The following ZBTB38 variants were observed in gnomAD, a reference collection of about 807,000 sequenced individuals.
ZBTB38 encodes the protein zinc finger and BTB domain-containing protein 38.
Under a neutral mutation model 76.8 loss-of-function variants are expected in ZBTB38, and 20 were observed. The observed-to-expected ratio is 0.26, with a 90% CI of 0.18 to 0.38. The LOEUF is 0.38. Ranked by LOEUF, ZBTB38 falls within the 10% of genes least tolerant of loss-of-function variation. The pLI, the probability that ZBTB38 is intolerant of heterozygous loss-of-function variation, is 1.00. For synonymous variants in ZBTB38, 504 were observed against 544.2 expected, an observed-to-expected ratio of 0.93 and a Z score of 1.03; for missense variants, 1,082 against 1,482.3, an observed-to-expected ratio of 0.73 and a Z score of 4.43.
chr3:141,437,468 A>G (rs2079065145), intron 5 of ZBTB38, among the ~76,000 whole-genome samples: 1 of 151,900 alleles, frequency 6.6e-6, no homozygotes, highest in Non-Finnish European at 1.5e-5. Flanking sequence ...CACCCTGCAA[A>G]CCTTTGAGTG....
chr3:141,364,736 G>C (rs187769972), upstream of ZBTB38, among the ~76,000 whole-genome samples: 2 of 118,408 alleles, frequency 1.7e-5, no homozygotes, highest in Admixed American at 1.9e-4. Context: ...TAAAGGATTT[G>C]AATAGACAGT....
At chr3:141,387,448 G>A (rs529306288) in intron 4 of ZBTB38, 6 of 152,292 alleles carry the variant, frequency 3.9e-5, no homozygotes, top group African/African-American at 1.4e-4. Context: ...CAGGTAGGAG[G>A]CAAGGTGGAT....
intron 5 of ZBTB38, among the ~76,000 whole-genome samples, chr3:141,407,936 G>A (rs189438276): frequency 2.6e-5 from 4 of 152,218 alleles, no homozygotes; most frequent in Non-Finnish European, 2.9e-5. Flanking sequence ...CTCCCACCCC[G>A]CATCATCTCA....
chr3:141,389,412 T>C (rs878930981), intron 4 of ZBTB38: 9 of 151,920 alleles, frequency 5.9e-5, no homozygotes, highest in Admixed American at 5.9e-4. Context: ...CTGATTTTGT[T>C]CTCCAGGCTT....
At position 141,448,782 on chromosome 3, in the gene ZBTB38, C is replaced by T. The variant is rs956724068; in HGVS notation, c.*2806C>T. 6.6e-6 allele frequency: 1 copy of T among 152,118 alleles called. No individual in the cohort carries two copies. The highest frequency in any genetic ancestry group is 1.5e-5 in the Non-Finnish European group (1 of 68,020). 9.4% of individuals were successfully genotyped at this position (152,118 alleles called of 1,614,324 possible). On this transcript the variant is annotated 3_prime_UTR_variant, in exon 6 of 6. Transcript: ENST00000321464. ...TGTGTGAGTCACAGCTTTGTTTCCA[C>T]GTATTATTCAGTTTATTTCTGTTTC...
exon 1 of ZBTB38, chr3:141,324,369 T>A (rs540368753): frequency 1.3e-5 from 2 of 152,336 alleles, no homozygotes; most frequent in East Asian, 3.9e-4. Flanking sequence ...GGAAGAAGAA[T>A]GCCCTTTCCA....
At chr3:141,393,645 G>C (rs7625729) in intron 4 of ZBTB38, among the ~76,000 whole-genome samples, 9,507 of 152,210 alleles carry the variant, frequency 0.062, 995 homozygotes, top group African/African-American at 0.22. Flanking sequence ...TGGGGGCAGG[G>C]TGAGGATGCA....
chr3:141,399,002 CTG>C (rs1951046228), intron 4 of ZBTB38, among the ~76,000 whole-genome samples: 2 of 152,118 alleles, frequency 1.3e-5, no homozygotes, highest in Non-Finnish European at 2.9e-5. Flanking sequence ...GTTGAAGAAA[CTG>C]TAGTTTCCTC....
rs746293513 is a variant in ZBTB38, at chr3:141,444,104, A to G, written c.1716A>G (p.Lys572=). ...PYKLYRLLPM[K]CKRAPYKSYR... Reference sequence around the variant, plus strand: ...AACTTTATAGGCTACTGCCTATGAAATGCAAGAGAGCCCCTTATAAGAGCT... The same window carrying G: ...AACTTTATAGGCTACTGCCTATGAAGTGCAAGAGAGCCCCTTATAAGAGCT... Residue 572 remains lysine, a synonymous_variant, in exon 6 of 6, where the codon AAA becomes AAG. Coordinates refer to ENST00000321464, the MANE Select transcript of ZBTB38 (RefSeq NM_001376113.1). The surrounding 1 kb of genome is among the most constrained non-coding windows in gnomAD (Gnocchi z 5.1). 8.1e-6 allele frequency: 13 copies of G among 1,614,028 alleles called. No homozygotes were observed. Among genetic ancestry groups the G allele is most frequent in the South Asian group, 7.7e-5 (7 of 91,086 alleles).
chr3:141,346,574 A>G (rs1022967907), intron 1 of ZBTB38, among the ~76,000 whole-genome samples: 4 of 152,050 alleles, frequency 2.6e-5, no homozygotes, highest in African/African-American at 7.3e-5. Context: ...GCAGCTCCAT[A>G]TTTTTACTTC....
At chr3:141,352,048 A>G (rs1247005165) in intron 1 of ZBTB38, among the ~76,000 whole-genome samples, 1 of 152,172 alleles carries the variant, frequency 6.6e-6, no homozygotes, top group African/African-American at 2.4e-5. Flanking sequence ...TCATTTACCC[A>G]ATAAATATGC....
In ZBTB38 at chr3:141,359,700, G is replaced by A. The variant is rs149622566; in HGVS notation, c.-738-8921G>A. Among the ~76,000 whole-genome samples the A allele has an allele frequency of 5.3e-5, 8 of 152,308 alleles. No individual in the cohort carries two copies. In the East Asian group the frequency reaches 1.3e-3, roughly 26 times the overall value. On this transcript the variant is annotated intron_variant, in intron 1 of 7. Coordinates refer to the ZBTB38 transcript ENST00000509842. ...AATCCCAGCACTTTGGGAGGCCAAC[G>A]CAGGAGGATCACTTGAGCCCAGGAG...
chr3:141,408,618 A>G (rs1955514783), intron 5 of ZBTB38, among the ~76,000 whole-genome samples: 2 of 152,220 alleles, frequency 1.3e-5, no homozygotes, highest in Non-Finnish European at 2.9e-5. Context: ...TTTATTCACA[A>G]CAAAGGATTG....
At chr3:141,431,342 AT>A (rs1433407511) in intron 5 of ZBTB38, among the ~76,000 whole-genome samples, 12 of 91,376 alleles carry the variant, frequency 1.3e-4, no homozygotes, top group East Asian at 2.6e-4. Context: ...AAAAAAAAAA[AT>A]ATATATATAT....
rs865839354 is a variant in ZBTB38, at chr3:141,369,634, T to G, written c.-309-238T>G. Among the ~76,000 whole-genome samples the G allele has an allele frequency of 2.6e-5, 4 of 152,290 alleles. No homozygotes were observed. The South Asian group carries it at 8.3e-4, about 32-fold the overall frequency. On this transcript the variant is annotated intron_variant, in intron 1 of 5. Coordinates refer to ENST00000321464, the MANE Select transcript of ZBTB38 (RefSeq NM_001376113.1). ...TCATCCCCTGAGTCAGCATCTAGTC[T>G]TCGTATAGCTGACGTACCAGGGGAG...
chr3:141,330,021 A>G (rs1208603465), intron 1 of ZBTB38, among the ~76,000 whole-genome samples: 2 of 151,690 alleles, frequency 1.3e-5, no homozygotes, highest in African/African-American at 2.4e-5. Context: ...TAATTTATAT[A>G]CATTTATTTA....
chr3:141,421,246 C>G (rs929225340), intron 5 of ZBTB38, among the ~76,000 whole-genome samples: 3 of 151,066 alleles, frequency 2.0e-5, no homozygotes, highest in African/African-American at 4.9e-5. Context: ...GCATAATAAG[C>G]CATGTGGAAC....
chr3:141,413,901 G>A lies in ZBTB38; in HGVS notation c.-1+9870G>A, dbSNP rs1577203601. ...CCCCATAGGAATGGACAAACTAAAG[G>A]GATCCTTAAGAAATAGTATGTCACC... On this transcript the variant is annotated intron_variant, in intron 5 of 5. Transcript: ENST00000321464. The surrounding 1 kb of genome is among the most constrained non-coding windows in gnomAD (Gnocchi z 4.1). 6.6e-6 allele frequency among the ~76,000 whole-genome samples: 1 copy of A among 152,092 alleles called. No homozygotes were observed. The highest frequency in any genetic ancestry group is 1.9e-4 in the East Asian group (1 of 5,202).
chr3:141,353,046 G>A (rs1359667876), intron 1 of ZBTB38, among the ~76,000 whole-genome samples: 2 of 152,016 alleles, frequency 1.3e-5, no homozygotes, highest in African/African-American at 4.8e-5. Flanking sequence ...AAGTAGCAGA[G>A]TATGTGCAGA....
Sources: gnomAD v4.1 joint callset for allele counts (sites outside exome capture counted in the v4.1 genomes callset) on GRCh38, gnomAD v4.1.1 for gene constraint, Gnocchi (gnomAD v3.1) non-coding constraint, MANE v1.5 for transcripts, NCBI Gene and HGNC (gene_info 2026-07-23, HGNC 2026-07-21) for gene names.